ASIC2: variants seen among roughly 807,000 people sequenced by gnomAD.
ASIC2 encodes acid-sensing ion channel 2.
A neutral mutation model predicts 57.3 loss-of-function variants in ASIC2; 25 were observed. The observed-to-expected ratio is 0.44, with a 90% CI of 0.32 to 0.61. ASIC2 has a LOEUF of 0.61. ASIC2 is among the 20% of genes least tolerant of loss of function. The probability of loss-of-function intolerance (pLI) is 0.06; values close to 1 mark genes in which losing one functional copy is unlikely to be tolerated. For missense variants in ASIC2, 641 were observed against 738.1 expected (o/e 0.87, Z 1.52); for synonymous variants, 319 against 307.5 (o/e 1.04, Z -0.39).
At chr17:33,808,493 T>C (rs1325628243) in intron 1 of ASIC2, among the ~76,000 whole-genome samples, 1 of 152,206 alleles carries the variant, frequency 6.6e-6, no homozygotes, top group African/African-American at 2.4e-5. Flanking sequence ...CCCTCAATAT[T>C]GTGTTGGCTG....
At chr17:33,305,815 T>A (rs1449587923) in intron 1 of ASIC2, among the ~76,000 whole-genome samples, 1 of 152,226 alleles carries the variant, frequency 6.6e-6, no homozygotes, top group Non-Finnish European at 1.5e-5. Context: ...CTTGGACACA[T>A]TGGCTATTCA....
chr17:33,814,005 T>C (rs185627841), intron 1 of ASIC2, among the ~76,000 whole-genome samples: 4 of 152,172 alleles, frequency 2.6e-5, no homozygotes, highest in Non-Finnish European at 5.9e-5. Context: ...TATCCACACC[T>C]ATGATTCAGG....
At chr17:33,175,765 A>T (rs1266729576) in intron 1 of ASIC2, among the ~76,000 whole-genome samples, 1 of 151,114 alleles carries the variant, frequency 6.6e-6, no homozygotes, top group Non-Finnish European at 1.5e-5. Context: ...AGACCTTCCC[A>T]TCTCTTCCCC....
At chr17:34,134,715 C>G (rs1912081853) in intron 1 of ASIC2, among the ~76,000 whole-genome samples, 1 of 152,196 alleles carries the variant, frequency 6.6e-6, no homozygotes, top group African/African-American at 2.4e-5. Context: ...CTATTTGCGC[C>G]AATCCCAAGA....
chr17:33,972,217 C>T (rs1342682901), intron 1 of ASIC2, among the ~76,000 whole-genome samples: 1 of 152,202 alleles, frequency 6.6e-6, no homozygotes, highest in East Asian at 1.9e-4. Context: ...GATGGAGAGT[C>T]ATGCCTTGTC....
intron 1 of ASIC2, among the ~76,000 whole-genome samples, chr17:33,221,419 G>A (rs901594115): frequency 1.3e-5 from 2 of 152,202 alleles, no homozygotes; most frequent in Non-Finnish European, 2.9e-5. Flanking sequence ...GAACCAACAT[G>A]ACCGTTGTTT....
intron 3 of ASIC2, among the ~76,000 whole-genome samples, 182 bp from the exon 4 acceptor site, chr17:33,028,574 A>G (rs1301187748): frequency 6.6e-6 from 1 of 152,080 alleles, no homozygotes; most frequent in African/African-American, 2.4e-5. Flanking sequence ...TTTCTTAGAG[A>G]CAAAGTTTCA....
intron 1 of ASIC2, among the ~76,000 whole-genome samples, chr17:33,711,755 G>A (rs2142076683): frequency 1.3e-5 from 2 of 152,232 alleles, no homozygotes; most frequent in South Asian, 4.2e-4. Flanking sequence ...CAAGAGAACA[G>A]CAAGGGGGAA....
At chr17:33,111,787 C>A in intron 2 of ASIC2, 130 bp downstream of exon 2, 1 of 1,313,090 alleles carries the variant, frequency 7.6e-7, no homozygotes. Flanking sequence ...TATGATCTAG[C>A]AGCATGTCAC....
At chr17:33,408,540 T>A (rs1342795455) in intron 1 of ASIC2, among the ~76,000 whole-genome samples, 1 of 152,234 alleles carries the variant, frequency 6.6e-6, no homozygotes, top group Non-Finnish European at 1.5e-5. Context: ...GATGCTATAG[T>A]AGGTAACTCA....
chr17:34,107,213 C>T (rs1305741752), intron 1 of ASIC2, among the ~76,000 whole-genome samples: 2 of 152,074 alleles, frequency 1.3e-5, no homozygotes, highest in Admixed American at 6.6e-5. Flanking sequence ...TACACATCTA[C>T]TCTTTTGGCT....
intron 1 of ASIC2, among the ~76,000 whole-genome samples, chr17:33,273,970 G>T (rs1248355467): frequency 6.6e-6 from 1 of 152,148 alleles, no homozygotes; most frequent in African/African-American, 2.4e-5. Context: ...TCACTCTGTG[G>T]GAAGGCAATG....
At chr17:34,041,245 C>T (rs9907226) in intron 1 of ASIC2, 75,198 of 152,074 alleles carry the variant, frequency 0.49, 22,076 homozygotes, top group African/African-American at 0.83. Flanking sequence ...GATGTGACTA[C>T]TGGAAATTCT....
chr17:33,464,514 T>TTCCTTCTTTC (rs1912768172), intron 1 of ASIC2, among the ~76,000 whole-genome samples: 13 of 38,932 alleles, frequency 3.3e-4, no homozygotes, highest in Admixed American at 1.9e-3. Context: ...CTTTCTTTCT[T>TTCCTTCTTTC]TCTTTCTTTC....
At chr17:33,478,116 G>T (rs751144581) in intron 1 of ASIC2, among the ~76,000 whole-genome samples, 5 of 152,216 alleles carry the variant, frequency 3.3e-5, no homozygotes, top group Admixed American at 2.6e-4. Flanking sequence ...AGGGCTCAGA[G>T]TCAGGCATGG....
chr17:33,864,771 A>G (rs1007169497), intron 1 of ASIC2, among the ~76,000 whole-genome samples: 1 of 152,178 alleles, frequency 6.6e-6, no homozygotes, highest in Admixed American at 6.5e-5. Flanking sequence ...CTTACAATGC[A>G]GAGGCATAGT....
At chr17:33,132,036 T>C (rs2092348206) in intron 1 of ASIC2, among the ~76,000 whole-genome samples, 2 of 152,134 alleles carry the variant, frequency 1.3e-5, no homozygotes, top group African/African-American at 4.8e-5. Context: ...ATGGGTTCCC[T>C]TTATGGAGAG....
chr17:33,776,911 T>A (rs1050296134), intron 1 of ASIC2, among the ~76,000 whole-genome samples: 1 of 152,192 alleles, frequency 6.6e-6, no homozygotes. Flanking sequence ...GGCCCTTACA[T>A]CTTTCGCTGG....
intron 1 of ASIC2, among the ~76,000 whole-genome samples, chr17:34,066,592 C>T (rs74860328): frequency 0.029 from 4,362 of 152,274 alleles, 202 homozygotes; most frequent in African/African-American, 0.1. Context: ...CTCACAAAGC[C>T]TCTTCAGCCT....
Sources: allele counts gnomAD v4.1 joint callset (sites outside exome capture counted in the v4.1 genomes callset), GRCh38; gene constraint gnomAD v4.1.1; transcripts MANE v1.5; gene names NCBI Gene and HGNC (gene_info 2026-07-23, HGNC 2026-07-21).